The following LRMDA variants were observed in gnomAD, a reference collection of about 807,000 sequenced individuals.
LRMDA encodes leucine-rich melanocyte differentiation-associated protein.
In LRMDA, 18 loss-of-function variants were observed where a neutral mutation model predicts 29.8. That is an observed-to-expected ratio of 0.60 (90% CI 0.42 to 0.90). LRMDA has a LOEUF of 0.90. Among genes scored for constraint, LRMDA ranks in the 40% least tolerant of loss-of-function variants. The pLI, the probability that LRMDA is intolerant of heterozygous loss-of-function variation, is 0.00. For synonymous variants in LRMDA, 125 were observed against 109.4 expected (o/e 1.14, Z -0.89); for missense variants, 273 against 273.9 (o/e 1.00, Z 0.02).
chr10:75,572,774 C>T (rs1385992774), intron 2 of LRMDA, among the ~76,000 whole-genome samples: 2 of 152,006 alleles, frequency 1.3e-5, no homozygotes, highest in African/African-American at 4.8e-5. Context: ...ATGTTGAAGC[C>T]CTAGCTTCAG....
In LRMDA at chr10:75,644,764, C is replaced by T. The variant is rs563512440; in HGVS notation, c.131+206270C>T. Among the ~76,000 whole-genome samples the T allele has an allele frequency of 4.0e-4, 61 of 152,224 alleles. 1 individual carries two copies. The highest frequency in any genetic ancestry group is 1.5e-3 in the Admixed American group (23 of 15,288). On this transcript the variant is annotated intron_variant, in intron 2 of 6. Coordinates refer to ENST00000611255, the MANE Select transcript of LRMDA (RefSeq NM_001305581.2). ...AACTGATTCTCTAGTTTATTAAATA[C>T]GTGGCTAGAGGTCCTGGAAAGGATG...
chr10:76,505,231 T>C (rs1842947067), intron 6 of LRMDA, among the ~76,000 whole-genome samples: 1 of 152,026 alleles, frequency 6.6e-6, no homozygotes, highest in Admixed American at 6.6e-5. Context: ...TCTAGCTACC[T>C]TTATGATGTT....
chr10:76,020,559 C>T (rs1847957523), intron 2 of LRMDA, among the ~76,000 whole-genome samples: 1 of 152,140 alleles, frequency 6.6e-6, no homozygotes, highest in Admixed American at 6.5e-5. Flanking sequence ...AGTGCAGGCC[C>T]CTCACTCTAA....
chr10:76,173,254 G>T (rs547360171), intron 5 of LRMDA, among the ~76,000 whole-genome samples: 1 of 152,114 alleles, frequency 6.6e-6, no homozygotes, highest in South Asian at 2.1e-4. Context: ...AATGAACAAA[G>T]AAACTGTGAG....
chr10:76,464,199 G>A (rs980449660), intron 6 of LRMDA, among the ~76,000 whole-genome samples: 1 of 152,094 alleles, frequency 6.6e-6, no homozygotes, highest in Non-Finnish European at 1.5e-5. Flanking sequence ...GATTACAGGT[G>A]TAAGCCGCTG....
chr10:76,141,862 G>C (rs1850207561), intron 5 of LRMDA, among the ~76,000 whole-genome samples: 1 of 152,010 alleles, frequency 6.6e-6, no homozygotes, highest in East Asian at 1.9e-4. Flanking sequence ...TGTCCTCCTA[G>C]TTATTTTCTG....
At chr10:76,165,074 G>A (rs965830876) in intron 5 of LRMDA, among the ~76,000 whole-genome samples, 1 of 152,230 alleles carries the variant, frequency 6.6e-6, no homozygotes, top group Non-Finnish European at 1.5e-5. Context: ...CCAGGTTCAA[G>A]CAATTCTCCT....
intron 6 of LRMDA, among the ~76,000 whole-genome samples, chr10:76,553,238 T>C (rs1163270914): frequency 6.6e-6 from 1 of 152,212 alleles, no homozygotes; most frequent in African/African-American, 2.4e-5. Flanking sequence ...CTGCTTTACT[T>C]ACTATGGCCA....
chr10:75,490,959 T>G (rs1037591693), intron 2 of LRMDA, among the ~76,000 whole-genome samples: 2 of 152,176 alleles, frequency 1.3e-5, no homozygotes, highest in African/African-American at 4.8e-5. Flanking sequence ...AATAATTTTT[T>G]CCCCTAACAC....
intron 2 of LRMDA, among the ~76,000 whole-genome samples, chr10:75,894,497 A>C (rs1845550184): frequency 6.6e-6 from 1 of 152,230 alleles, no homozygotes; most frequent in Non-Finnish European, 1.5e-5. Flanking sequence ...ATGTGTGTGC[A>C]AGTATCATTT....
intron 2 of LRMDA, among the ~76,000 whole-genome samples, chr10:75,837,432 A>G (rs548419187): frequency 5.3e-5 from 8 of 152,188 alleles, no homozygotes; most frequent in Non-Finnish European, 1.0e-4. Context: ...GTTTGTCTAT[A>G]GGACAATTGT....
rs773530527 is a variant in LRMDA at position 76,395,226 on chromosome 10, C to T, written c.601+70741C>T. On this transcript the variant is annotated intron_variant, in intron 6 of 6. Transcript: ENST00000611255. ...GAATTAAACCATATTTCTAGTCCTC[C>T]CTCAGCTCCAAACTTTTCAGAGCTT... is the stretch of plus-strand genomic sequence containing the variant. Among the ~76,000 whole-genome samples, 35 of 152,180 alleles carry T rather than the reference C, an allele frequency of 2.3e-4. 2 individuals are homozygous for T. Among genetic ancestry groups the T allele is most frequent in the South Asian group, 4.1e-4 (2 of 4,826 alleles).
chr10:76,305,993 CTATATTT>C lies in LRMDA; in HGVS notation c.517-18403_517-18397del, dbSNP rs1465411077. On this transcript the variant is annotated intron_variant, in intron 5 of 6. Coordinates refer to ENST00000611255, the MANE Select transcript of LRMDA (RefSeq NM_001305581.2). Reference sequence around the variant, plus strand: ...CCTTGGCTCCAATCTACTATATTAACTATATTTTATAATAAACACATTAGTATTGTGA... The same window carrying C: ...CCTTGGCTCCAATCTACTATATTAACTATAATAAACACATTAGTATTGTGA... Among the ~76,000 whole-genome samples the C allele has an allele frequency of 5.9e-5, 9 of 152,260 alleles. No individual in the cohort carries two copies. In the East Asian group the frequency reaches 1.7e-3, roughly 29 times the overall value.
At chr10:75,929,705 T>G (rs548930328) in intron 2 of LRMDA, among the ~76,000 whole-genome samples, 1 of 152,278 alleles carries the variant, frequency 6.6e-6, no homozygotes, top group South Asian at 2.1e-4. Context: ...GAATTTTGGT[T>G]TTGTTTGATT....
chr10:76,113,618 A>T (rs1158348678), intron 5 of LRMDA, among the ~76,000 whole-genome samples: 1 of 152,156 alleles, frequency 6.6e-6, no homozygotes, highest in South Asian at 2.1e-4. Context: ...TTTCTCATCC[A>T]TAGCAGAAAG....
chr10:75,510,651 T>C (rs1564788963), intron 2 of LRMDA, among the ~76,000 whole-genome samples: 1 of 152,170 alleles, frequency 6.6e-6, no homozygotes. Context: ...GACAGCAAAC[T>C]CAGGTTTGCT....
intron 2 of LRMDA, among the ~76,000 whole-genome samples, chr10:75,729,073 C>G (rs949226388): frequency 6.6e-6 from 1 of 152,186 alleles, no homozygotes; most frequent in Non-Finnish European, 1.5e-5. Context: ...CTCACTCCCC[C>G]AGCCCTCTCT....
At chr10:76,450,781 A>G (rs900819690) in intron 6 of LRMDA, among the ~76,000 whole-genome samples, 2 of 152,196 alleles carry the variant, frequency 1.3e-5, no homozygotes, top group Non-Finnish European at 2.9e-5. Flanking sequence ...CGGCCAGTTT[A>G]CTAATTATCT....
chr10:75,453,934 C>A (rs559527293), intron 2 of LRMDA, among the ~76,000 whole-genome samples: 3 of 152,338 alleles, frequency 2.0e-5, no homozygotes, highest in Admixed American at 6.5e-5. Context: ...GACACAGGAA[C>A]CTTGTGAACT....
Sources: allele counts gnomAD v4.1 joint callset (sites outside exome capture counted in the v4.1 genomes callset), GRCh38; gene constraint gnomAD v4.1.1; transcripts MANE v1.5; gene names NCBI Gene and HGNC (gene_info 2026-07-23, HGNC 2026-07-21).